The following CSMD1 variants were observed in gnomAD, a reference collection of about 807,000 sequenced individuals.
The protein encoded by CSMD1 is CUB and Sushi multiple domains 1, also known as CUB and sushi domain-containing protein 1.
A neutral mutation model predicts 417.5 loss-of-function variants in CSMD1; 213 were observed. The observed-to-expected ratio is 0.51, with a 90% CI of 0.46 to 0.57. The LOEUF (loss-of-function observed/expected upper bound fraction) is 0.57, where lower values mean the gene tolerates loss of function less well. Ranked by LOEUF, CSMD1 falls within the 20% of genes least tolerant of loss-of-function variation. CSMD1 has a pLI of 0.00. For synonymous variants in CSMD1, 2,862 were observed against 1,736.8 expected (o/e 1.65, Z -16.11); for missense variants, 6,923 against 4,529.7 (o/e 1.53, Z -15.17).
chr8:3,013,344 A>G (rs138570287), intron 52 of CSMD1, among the ~76,000 whole-genome samples: 3 of 152,320 alleles, frequency 2.0e-5, no homozygotes, highest in South Asian at 2.1e-4. Context: ...TGGCACTGAT[A>G]TGGAAAACAA....
chr8:4,560,756 A>G (rs148559058), intron 2 of CSMD1, among the ~76,000 whole-genome samples: 5 of 152,242 alleles, frequency 3.3e-5, no homozygotes, highest in African/African-American at 4.8e-5. Flanking sequence ...CCTTCCTCCT[A>G]TTCTTCAGAG....
chr8:3,454,730 C>T (rs545660989), intron 12 of CSMD1, among the ~76,000 whole-genome samples: 2 of 152,192 alleles, frequency 1.3e-5, no homozygotes, highest in Admixed American at 6.5e-5. Context: ...ACCTTTCTCT[C>T]TGCCTGCCCT....
At chr8:3,599,161 GT>G (rs1801238337) in intron 8 of CSMD1, among the ~76,000 whole-genome samples, 1 of 123,706 alleles carries the variant, frequency 8.1e-6, no homozygotes, top group African/African-American at 3.6e-5. Flanking sequence ...CTGTGTGTGT[GT>G]CTGTGTGTGT....
intron 6 of CSMD1, among the ~76,000 whole-genome samples, chr8:3,725,547 G>T (rs949392680): frequency 1.3e-5 from 2 of 152,142 alleles, no homozygotes; most frequent in Admixed American, 1.3e-4. Context: ...TCCCTCCCAT[G>T]AGCTGCTTGT....
chr8:4,417,719 A>T (rs79533323), intron 3 of CSMD1, among the ~76,000 whole-genome samples: 6 of 152,158 alleles, frequency 3.9e-5, no homozygotes, highest in Admixed American at 2.6e-4. Flanking sequence ...GAGGTATCAG[A>T]AAGAGAATTT....
intron 11 of CSMD1, among the ~76,000 whole-genome samples, chr8:3,475,288 G>A (rs1169260750): frequency 2.6e-5 from 4 of 152,048 alleles, no homozygotes; most frequent in Admixed American, 6.6e-5. Flanking sequence ...TGAGCTCTCT[G>A]GGTGCAATTT....
chr8:4,070,191 C>A (rs1799471702), intron 3 of CSMD1, among the ~76,000 whole-genome samples: 1 of 151,972 alleles, frequency 6.6e-6, no homozygotes, highest in South Asian at 2.1e-4. Context: ...ATTTACCAAA[C>A]CTCTTTTTTT....
chr8:3,026,220 G>A (rs565408691), intron 51 of CSMD1, among the ~76,000 whole-genome samples: 209 of 152,094 alleles, frequency 1.4e-3, no homozygotes, highest in Non-Finnish European at 2.1e-3. Flanking sequence ...AGGGCCAGGA[G>A]CTTAGTATTT....
intron 5 of CSMD1, among the ~76,000 whole-genome samples, chr8:3,853,362 G>T (rs544906295): frequency 1.3e-5 from 2 of 152,012 alleles, no homozygotes; most frequent in African/African-American, 2.4e-5. Context: ...ACTTTAAAAA[G>T]GTATTGTTAT....
chr8:3,845,480 G>T (rs182048533), intron 5 of CSMD1, among the ~76,000 whole-genome samples: 319 of 152,232 alleles, frequency 2.1e-3, no homozygotes, highest in South Asian at 5.4e-3. Context: ...CAGCATAAAA[G>T]ATAGAAAATG....
At chr8:3,133,137 C>T (rs1817885437) in intron 41 of CSMD1, among the ~76,000 whole-genome samples, 1 of 152,224 alleles carries the variant, frequency 6.6e-6, no homozygotes, top group Non-Finnish European at 1.5e-5. Flanking sequence ...CGTGGGCCGG[C>T]ACACAGCTTC....
Position 3,117,737 on chromosome 8 carries a change from C to G in CSMD1, c.6430+662G>C, listed in dbSNP as rs114752094. The stretch of plus-strand genomic sequence containing the variant: ...CTCAGAAAAAGGACGTCTAAAGAGA[C>G]CAGGTCCTCTGTTGCACCATCAAAC... On this transcript the variant is annotated intron_variant, in intron 42 of 69. Coordinates refer to ENST00000635120, the MANE Select transcript of CSMD1 (RefSeq NM_033225.6). Among the ~76,000 whole-genome samples, 1,386 of 152,270 alleles carry G rather than the reference C, an allele frequency of 9.1e-3. 21 individuals are homozygous for G. The highest frequency in any genetic ancestry group is 0.031 in the African/African-American group (1,290 of 41,532).
At chr8:3,248,025 C>T (rs1312333627) in intron 26 of CSMD1, among the ~76,000 whole-genome samples, 7 of 152,134 alleles carry the variant, frequency 4.6e-5, no homozygotes, top group African/African-American at 1.7e-4. Flanking sequence ...ACACAGACAA[C>T]ACTCAAGCAT....
chr8:3,367,269 G>C (rs762421312), intron 19 of CSMD1, 22 bp from the exon 20 acceptor site: 3 of 1,527,058 alleles, frequency 2.0e-6, no homozygotes, highest in East Asian at 2.4e-5. Context: ...AGCCGGGGGA[G>C]AGAGAGAGAG....
intron 2 of CSMD1, among the ~76,000 whole-genome samples, chr8:4,635,975 G>C (rs1233583377): frequency 2.6e-5 from 4 of 151,704 alleles, no homozygotes; most frequent in East Asian, 1.9e-4. Context: ...TTGAAAGTGG[G>C]TGAAAAAATG....
chr8:4,027,358 G>T (rs983849399), intron 4 of CSMD1, among the ~76,000 whole-genome samples: 1 of 152,156 alleles, frequency 6.6e-6, no homozygotes, highest in African/African-American at 2.4e-5. Context: ...ATTTCACCTT[G>T]AATTGTAACC....
intron 52 of CSMD1, among the ~76,000 whole-genome samples, chr8:3,016,883 T>C (rs1458864388): frequency 6.6e-6 from 1 of 152,184 alleles, no homozygotes; most frequent in Non-Finnish European, 1.5e-5. Flanking sequence ...ATTCAACATT[T>C]ATCTCATCCT....
intron 1 of CSMD1, among the ~76,000 whole-genome samples, chr8:4,705,748 A>C (rs1807896898): frequency 6.6e-6 from 1 of 152,154 alleles, no homozygotes; most frequent in African/African-American, 2.4e-5. Flanking sequence ...AATCTAACTA[A>C]TATTTTAAAA....
chr8:4,839,389 A>G (rs140182526), intron 1 of CSMD1, among the ~76,000 whole-genome samples: 34 of 152,304 alleles, frequency 2.2e-4, no homozygotes, highest in African/African-American at 7.9e-4. Context: ...GTATCACATC[A>G]CAGTTAGCTC....
Sources: allele counts gnomAD v4.1 joint callset (sites outside exome capture counted in the v4.1 genomes callset), GRCh38; gene constraint gnomAD v4.1.1; transcripts MANE v1.5; gene names NCBI Gene and HGNC (gene_info 2026-07-23, HGNC 2026-07-21).